Variants in EFR3A observed in about 807,000 individuals in gnomAD.
EFR3A encodes the protein protein EFR3 homolog A.
EFR3A carries 76 observed loss-of-function variants against 104.4 expected under a neutral mutation model. That is an observed-to-expected ratio of 0.73 (90% CI 0.60 to 0.88). The LOEUF (loss-of-function observed/expected upper bound fraction) is 0.88. Ranked by LOEUF, EFR3A falls within the 40% of genes least tolerant of loss-of-function variation. EFR3A has a pLI of 0.00. For synonymous variants in EFR3A, 330 were observed against 330.0 expected, an observed-to-expected ratio of 1.00 and a Z score of 0.00; for missense variants, 985 against 1,012.5, an observed-to-expected ratio of 0.97 and a Z score of 0.37.
intron 12 of EFR3A, among the ~76,000 whole-genome samples, chr8:131,978,198 T>A (rs1352253113): frequency 1.3e-5 from 2 of 152,198 alleles, no homozygotes; most frequent in Non-Finnish European, 2.9e-5. Context: ...TTAAACAAAT[T>A]CCCTAAGTAA....
intron 1 of EFR3A, among the ~76,000 whole-genome samples, chr8:131,922,185 C>A (rs1215700466): frequency 2.0e-5 from 3 of 152,198 alleles, no homozygotes; most frequent in Admixed American, 6.5e-5. Flanking sequence ...CCATATCTTT[C>A]TTTTTTCTTA....
rs968554610 is a variant in EFR3A, at chr8:132,012,734, G to A, written c.*1839G>A. 1 of 152,178 alleles carries A rather than the reference G, an allele frequency of 6.6e-6. No homozygotes were observed. Among genetic ancestry groups the A allele is most frequent in the African/African-American group, 2.4e-5 (1 of 41,362 alleles). The allele number at this position is 152,178 out of a possible 1,614,324, so 9.4% of individuals were successfully genotyped here. A position where few individuals can be genotyped will look rare whatever the true frequency, so the allele number is the denominator to read the frequency against. ...TTATAGATTAACACTGTGTGCTTTT[G>A]TATGGAAAAAATATATATAATTTAA... On this transcript the variant is annotated 3_prime_UTR_variant, in exon 23 of 23. Coordinates refer to ENST00000254624, the MANE Select transcript of EFR3A (RefSeq NM_015137.6).
intron 6 of EFR3A, among the ~76,000 whole-genome samples, chr8:131,954,537 G>C (rs1016050586): frequency 1.3e-5 from 2 of 151,352 alleles, no homozygotes; most frequent in African/African-American, 4.8e-5. Context: ...TTAGAATTCT[G>C]TACTTTATTC....
At chr8:131,988,162 G>A (rs1403278876) in intron 18 of EFR3A, among the ~76,000 whole-genome samples, 1 of 135,128 alleles carries the variant, frequency 7.4e-6, no homozygotes, top group East Asian at 2.9e-4. Flanking sequence ...TTTTTTCTCT[G>A]TGAACTATAT....
chr8:131,952,527 C>T (rs1383607422), intron 5 of EFR3A, among the ~76,000 whole-genome samples: 2 of 152,158 alleles, frequency 1.3e-5, no homozygotes, highest in Non-Finnish European at 2.9e-5. Flanking sequence ...AAAGTTTCAT[C>T]TTGTTTGTTA....
chr8:131,995,973 C>T (rs1365363555), intron 18 of EFR3A, among the ~76,000 whole-genome samples: 6 of 152,172 alleles, frequency 3.9e-5, no homozygotes, highest in Admixed American at 6.5e-5. Context: ...CATCCTAGAA[C>T]CAGAGTTAGC....
Position 132,011,658 on chromosome 8 carries a change from C to T in EFR3A, c.*763C>T, listed in dbSNP as rs1822350562. 6.4e-6 allele frequency: 1 copy of T among 156,776 alleles called. No homozygotes were observed. Among genetic ancestry groups the T allele is most frequent in the Admixed American group, 6.6e-5 (1 of 15,244 alleles). 9.7% of individuals were successfully genotyped at this position (156,776 alleles called of 1,614,324 possible). A position where few individuals can be genotyped will look rare whatever the true frequency, so the allele number is the denominator to read the frequency against. On this transcript the variant is annotated 3_prime_UTR_variant, in exon 23 of 23. Transcript: ENST00000254624. Reference sequence around the variant, plus strand: ...AAGATGTATTAGTTTACAGGCTGTGCTTTGAAATTATAGTAGTATTTTGCT... The same window carrying T: ...AAGATGTATTAGTTTACAGGCTGTGTTTTGAAATTATAGTAGTATTTTGCT...
intron 1 of EFR3A, among the ~76,000 whole-genome samples, chr8:131,921,795 GAGTTAAA>G (rs76722265): frequency 0.16 from 24,204 of 151,930 alleles, 2,227 homozygotes; most frequent in East Asian, 0.32. Flanking sequence ...ATCAAGGGAG[GAGTTAAA>G]TTCTCTGGAG....
At chr8:131,996,519 G>T in intron 19 of EFR3A, 22 bp downstream of exon 19, 3 of 1,505,870 alleles carry the variant, frequency 2.0e-6, no homozygotes, top group South Asian at 1.2e-5. Context: ...AAAGTTTATG[G>T]TAGAGTACTG....
intron 22 of EFR3A, among the ~76,000 whole-genome samples, chr8:132,008,127 C>G (rs1449792076): frequency 2.6e-5 from 4 of 151,870 alleles, no homozygotes; most frequent in African/African-American, 9.7e-5. Flanking sequence ...TTAAAAGACT[C>G]CAGTAAGAAA....
At chr8:131,972,174 G>A (rs1258693019) in intron 10 of EFR3A, among the ~76,000 whole-genome samples, 1 of 151,310 alleles carries the variant, frequency 6.6e-6, no homozygotes, top group Admixed American at 6.6e-5. Flanking sequence ...ATTCATTACT[G>A]TAGTTAATCA....
chr8:132,000,195 T>C (rs57043549), intron 19 of EFR3A, among the ~76,000 whole-genome samples: 56,687 of 151,858 alleles, frequency 0.37, 10,868 homozygotes, highest in East Asian at 0.61. Context: ...GTGGCGCGAT[T>C]TCGGCTCACT....
intron 1 of EFR3A, among the ~76,000 whole-genome samples, chr8:131,906,236 G>A (rs1404048881): frequency 2.0e-5 from 3 of 152,318 alleles, no homozygotes; most frequent in Admixed American, 6.5e-5. Context: ...AATTCTGTTT[G>A]TAGAATATAT....
chr8:131,930,073 T>C (rs539656331), intron 1 of EFR3A, among the ~76,000 whole-genome samples: 2 of 152,234 alleles, frequency 1.3e-5, no homozygotes, highest in African/African-American at 4.8e-5. Flanking sequence ...CATGTAAAGA[T>C]ACACACTTCC....
chr8:132,010,597 A>G (rs1235268290), intron 22 of EFR3A, among the ~76,000 whole-genome samples, 193 bp from the exon 23 acceptor site: 3 of 151,874 alleles, frequency 2.0e-5, no homozygotes, highest in African/African-American at 7.3e-5. Flanking sequence ...TGTCTGCTTT[A>G]GACTTAAAAA....
At chr8:131,915,467 T>C (rs568099727) in intron 1 of EFR3A, among the ~76,000 whole-genome samples, 1 of 152,320 alleles carries the variant, frequency 6.6e-6, no homozygotes, top group Admixed American at 6.5e-5. Context: ...CCTACATTTG[T>C]AAAGCACTGC....
chr8:131,951,016 C>T (rs139052276), intron 5 of EFR3A, among the ~76,000 whole-genome samples: 51 of 152,060 alleles, frequency 3.4e-4, no homozygotes, highest in African/African-American at 1.2e-3. Context: ...GAAATCAACC[C>T]GGATTTAGAG....
At chr8:131,970,970 T>C (rs1422771866) in intron 10 of EFR3A, among the ~76,000 whole-genome samples, 1 of 152,182 alleles carries the variant, frequency 6.6e-6, no homozygotes, top group Non-Finnish European at 1.5e-5. Context: ...TCTTTGTGTG[T>C]GTATGTATAT....
intron 8 of EFR3A, among the ~76,000 whole-genome samples, 164 bp downstream of exon 8, chr8:131,959,827 G>C (rs989956992): frequency 6.6e-6 from 1 of 151,876 alleles, no homozygotes; most frequent in African/African-American, 2.4e-5. Context: ...TTTCTTATTT[G>C]CCAAGATAAA....
Sources: gnomAD v4.1 joint callset for allele counts (sites outside exome capture counted in the v4.1 genomes callset) on GRCh38, gnomAD v4.1.1 for gene constraint, MANE v1.5 for transcripts, NCBI Gene and HGNC (gene_info 2026-07-23, HGNC 2026-07-21) for gene names.